Variants in DHTKD1 observed in about 807,000 individuals in gnomAD.
The protein encoded by DHTKD1 is dehydrogenase E1 and transketolase domain containing 1, also known as 2-oxoadipate dehydrogenase complex component E1.
A neutral mutation model predicts 101.8 loss-of-function variants in DHTKD1; 78 were observed. The ratio of observed to expected loss-of-function variants is 0.77; its 90% confidence interval spans 0.64 to 0.93. The LOEUF (loss-of-function observed/expected upper bound fraction) is 0.93, where lower values mean the gene tolerates loss of function less well. DHTKD1 is among the 40% of genes least tolerant of loss of function. The pLI is 0.00. For missense variants in DHTKD1, 1,223 were observed against 1,161.7 expected, an observed-to-expected ratio of 1.05 and a Z score of -0.77; for synonymous variants, 462 against 450.3, an observed-to-expected ratio of 1.03 and a Z score of -0.33.
At position 12,089,086 on chromosome 10, in the gene DHTKD1, T is replaced by C. The variant is rs553049198; in HGVS notation, c.818T>C (p.Phe273Ser). ...SHLTSSVDLYFGAHHPLHVTM... is the reference protein window; with the variant it reads ...SHLTSSVDLYSGAHHPLHVTM... The stretch of plus-strand genomic sequence containing the variant: ...CTGACCTCCTCTGTGGACCTGTACT[T>C]TGGGGCGCACCATCCCCTCCATGTG... The change falls in exon 5 of 17, where the codon TTT (phenylalanine) becomes TCT (serine). Residue 273 changes from phenylalanine (F) to serine (S), a missense_variant. Coordinates refer to ENST00000263035, the MANE Select transcript of DHTKD1 (RefSeq NM_018706.7). 57 of 1,614,118 alleles carry C rather than the reference T, an allele frequency of 3.5e-5. 1 individual carries two copies. In the South Asian group the frequency reaches 5.4e-4, roughly 15 times the overall value.
At chr10:12,117,783 T>G in intron 14 of DHTKD1, 28 bp downstream of exon 14, 1 of 1,327,694 alleles carries the variant, frequency 7.5e-7, no homozygotes, top group Non-Finnish European at 1.1e-6. Context: ...GTTTTCATAT[T>G]CTGTGGCAGA....
At chr10:12,098,859 C>T (rs1170441969) in intron 8 of DHTKD1, among the ~76,000 whole-genome samples, 2 of 152,324 alleles carry the variant, frequency 1.3e-5, no homozygotes, top group South Asian at 4.1e-4. Flanking sequence ...GCCACCATGC[C>T]TAACATGAAT....
chr10:12,109,625 G>A (rs1833299296), intron 12 of DHTKD1, among the ~76,000 whole-genome samples: 1 of 151,900 alleles, frequency 6.6e-6, no homozygotes, highest in Admixed American at 6.6e-5. Flanking sequence ...CCAGTGAGGT[G>A]GGAGGAAGAT....
At chr10:12,111,558 A>G (rs1380587434) in intron 12 of DHTKD1, among the ~76,000 whole-genome samples, 1 of 152,228 alleles carries the variant, frequency 6.6e-6, no homozygotes, top group East Asian at 1.9e-4. Context: ...GGGTGCTGAT[A>G]GAATAACTGA....
At chr10:12,079,037 G>C (rs1180259726) in intron 1 of DHTKD1, among the ~76,000 whole-genome samples, 1 of 152,130 alleles carries the variant, frequency 6.6e-6, no homozygotes, top group African/African-American at 2.4e-5. Context: ...CGCTCAGAGA[G>C]AAAGTAGACT....
chr10:12,073,037 GTTTA>G (rs139507960), intron 1 of DHTKD1, among the ~76,000 whole-genome samples: 24,283 of 150,282 alleles, frequency 0.16, 2,132 homozygotes, highest in African/African-American at 0.21. Flanking sequence ...TGCCTGACCT[GTTTA>G]TTTGTTTTTT....
intron 13 of DHTKD1, among the ~76,000 whole-genome samples, chr10:12,115,987 A>G (rs1588619331): frequency 1.3e-5 from 2 of 150,728 alleles, no homozygotes; most frequent in South Asian, 2.1e-4. Flanking sequence ...CTGGAGTGCA[A>G]TGGCACAATA....
intron 1 of DHTKD1, among the ~76,000 whole-genome samples, chr10:12,073,355 C>CT (rs948236759): frequency 4.6e-4 from 68 of 148,020 alleles, no homozygotes; most frequent in African/African-American, 1.6e-3. Flanking sequence ...AGCTCTTTTA[C>CT]TTTTTTTTTT....
intron 2 of DHTKD1, 62 bp downstream of exon 2, chr10:12,081,689 T>C (rs1436328966): frequency 6.3e-7 from 1 of 1,593,262 alleles, no homozygotes; most frequent in Middle Eastern, 1.7e-4. Context: ...CTCCTGCCTC[T>C]GTTCTTGAAG....
chr10:12,119,477 G>A (rs190763083), intron 15 of DHTKD1, among the ~76,000 whole-genome samples: 4,111 of 151,116 alleles, frequency 0.027, 76 homozygotes, highest in Non-Finnish European at 0.04. Flanking sequence ...TTAGCCGGGC[G>A]TGGTGGCGGG....
chr10:12,110,005 T>C lies in DHTKD1; in HGVS notation c.2154+1990T>C, dbSNP rs1263171683. Among the ~76,000 whole-genome samples, 8 of 151,200 alleles carry C rather than the reference T, an allele frequency of 5.3e-5. No individual in the cohort carries two copies. The highest frequency in any genetic ancestry group is 8.8e-5 in the Non-Finnish European group (6 of 67,852). On this transcript the variant is annotated intron_variant, in intron 12 of 16. Transcript: ENST00000263035. This position sits in a 1 kb window ranked among gnomAD's most constrained non-coding sequence, Gnocchi z 4.9. ...ATGCGGCTCAGAACAGCTTTGAATG[T>C]AGCCCAATACAGGCTGGGCGTGGTG...
chr10:12,102,152 GT>G (rs1833180652), intron 10 of DHTKD1, among the ~76,000 whole-genome samples: 1 of 152,068 alleles, frequency 6.6e-6, no homozygotes, highest in Admixed American at 6.6e-5. Flanking sequence ...GTGGCCGGGT[GT>G]GGTGGTTCAC....
At chr10:12,094,629 G>T (rs1157145763) in intron 7 of DHTKD1, among the ~76,000 whole-genome samples, 1 of 152,092 alleles carries the variant, frequency 6.6e-6, no homozygotes, top group African/African-American at 2.4e-5. Context: ...GAGCCACCAT[G>T]CCCAGGCAGG....
At chr10:12,109,736 G>A (rs1833300430) in intron 12 of DHTKD1, among the ~76,000 whole-genome samples, 1 of 151,980 alleles carries the variant, frequency 6.6e-6, no homozygotes, top group Non-Finnish European at 1.5e-5. Flanking sequence ...GGCCGAGGTG[G>A]GAGGATCACT....
chr10:12,094,358 C>A, intron 7 of DHTKD1, 87 bp downstream of exon 7: 1 of 1,252,102 alleles, frequency 8.0e-7, no homozygotes, highest in Admixed American at 1.9e-5. Flanking sequence ...TGCTTTGTCA[C>A]CCAGTCTGGA....
At chr10:12,075,783 C>A (rs976398599) in intron 1 of DHTKD1, among the ~76,000 whole-genome samples, 21 of 152,034 alleles carry the variant, frequency 1.4e-4, no homozygotes, top group African/African-American at 4.6e-4. Flanking sequence ...CTTTTAATTT[C>A]ATTCTTTATT....
At chr10:12,100,302 G>GTTT in intron 9 of DHTKD1, 40 bp downstream of exon 9, 1 of 40,430 alleles carries the variant, frequency 2.5e-5, no homozygotes, top group Non-Finnish European at 3.5e-5. Flanking sequence ...TTTTTTTTTT[G>GTTT]AGTCTCACCC....
intron 8 of DHTKD1, among the ~76,000 whole-genome samples, chr10:12,099,974 T>G (rs1488967639): frequency 1.3e-5 from 2 of 151,872 alleles, no homozygotes. Context: ...TTTTGTATTT[T>G]TAGTAGAGAT....
chr10:12,080,047 G>A (rs945654241), intron 1 of DHTKD1, among the ~76,000 whole-genome samples: 2 of 151,972 alleles, frequency 1.3e-5, no homozygotes, highest in Non-Finnish European at 2.9e-5. Context: ...TTGGGAGGCC[G>A]AGGTGGGTGG....
Sources: allele counts gnomAD v4.1 joint callset (sites outside exome capture counted in the v4.1 genomes callset), GRCh38; gene constraint gnomAD v4.1.1; non-coding constraint Gnocchi (gnomAD v3.1); transcripts MANE v1.5; gene names NCBI Gene and HGNC (gene_info 2026-07-23, HGNC 2026-07-21).